The following MEIS1 variants were observed in gnomAD, a reference collection of about 807,000 sequenced individuals.
MEIS1 encodes homeobox protein Meis1.
In MEIS1, 5 loss-of-function variants were observed where a neutral mutation model predicts 50.8. The observed-to-expected ratio is 0.10, with a 90% CI of 0.05 to 0.21. The LOEUF (loss-of-function observed/expected upper bound fraction) is 0.21. MEIS1 is among the 10% of genes least tolerant of loss of function. The pLI is 1.00. For missense variants in MEIS1, 318 were observed against 517.3 expected (o/e 0.61, Z 3.74); for synonymous variants, 176 against 179.3 (o/e 0.98, Z 0.15).
At chr2:66,486,814 C>T (rs1673154616) in intron 7 of MEIS1, among the ~76,000 whole-genome samples, 1 of 152,202 alleles carries the variant, frequency 6.6e-6, no homozygotes, top group Non-Finnish European at 1.5e-5. Context: ...AGGTCCTTCA[C>T]ATCCCTTGTA....
chr2:66,551,878 T>G (rs1372165742), intron 9 of MEIS1, among the ~76,000 whole-genome samples: 1 of 152,250 alleles, frequency 6.6e-6, no homozygotes, highest in East Asian at 1.9e-4. Flanking sequence ...TTTTTTACTG[T>G]TGTTGTGGTT....
chr2:66,459,258 G>A (rs1672465786), intron 6 of MEIS1, among the ~76,000 whole-genome samples: 1 of 152,272 alleles, frequency 6.6e-6, no homozygotes, highest in East Asian at 1.9e-4. Context: ...GATGAGCATG[G>A]GCCTGGAGCA....
intron 6 of MEIS1, among the ~76,000 whole-genome samples, chr2:66,454,148 C>G (rs1342756098): frequency 6.6e-6 from 1 of 151,976 alleles, no homozygotes; most frequent in Non-Finnish European, 1.5e-5. Flanking sequence ...AAAAGTGCAT[C>G]TAAAACATTT....
chr2:66,461,611 A>C (rs2103738427), intron 6 of MEIS1, among the ~76,000 whole-genome samples: 1 of 152,336 alleles, frequency 6.6e-6, no homozygotes, highest in Admixed American at 6.5e-5. Flanking sequence ...TAGGTGAAAA[A>C]TATTGGCTCC....
intron 6 of MEIS1, among the ~76,000 whole-genome samples, chr2:66,459,255 A>C (rs1351547942): frequency 6.6e-6 from 1 of 152,214 alleles, no homozygotes; most frequent in East Asian, 1.9e-4. Context: ...AAGGATGAGC[A>C]TGGGCCTGGA....
At chr2:66,484,966 A>C (rs1168585434) in intron 7 of MEIS1, among the ~76,000 whole-genome samples, 4 of 152,204 alleles carry the variant, frequency 2.6e-5, no homozygotes, top group Non-Finnish European at 1.5e-5. Context: ...GGTACATAGA[A>C]AATTTAAAAT....
At chr2:66,563,960 ATTTAC>A (rs1675277795) in intron 9 of MEIS1, among the ~76,000 whole-genome samples, 1 of 152,146 alleles carries the variant, frequency 6.6e-6, no homozygotes, top group Non-Finnish European at 1.5e-5. Context: ...ATATTTTGCT[ATTTAC>A]TTTGTTGTTT....
chr2:66,507,302 AAAGT>A (rs1040257463), intron 7 of MEIS1, among the ~76,000 whole-genome samples: 5 of 152,136 alleles, frequency 3.3e-5, no homozygotes, highest in African/African-American at 1.2e-4. Context: ...GAAGAGGAGA[AAAGT>A]AAAGTTTAAA....
intron 8 of MEIS1, among the ~76,000 whole-genome samples, chr2:66,543,014 G>A (rs902061320): frequency 7.2e-5 from 11 of 152,110 alleles, no homozygotes; most frequent in South Asian, 6.2e-4. Context: ...TTCTTTCAAT[G>A]TATTGTAAAC....
At chr2:66,495,653 A>C (rs1673384198) in intron 7 of MEIS1, among the ~76,000 whole-genome samples, 1 of 152,182 alleles carries the variant, frequency 6.6e-6, no homozygotes, top group African/African-American at 2.4e-5. Context: ...CCAGTTTTGC[A>C]TGGCAGATGA....
intron 7 of MEIS1, among the ~76,000 whole-genome samples, chr2:66,469,436 AG>A (rs978611820): frequency 6.6e-6 from 1 of 152,014 alleles, no homozygotes; most frequent in Non-Finnish European, 1.5e-5. Flanking sequence ...GCGGCCTGAG[AG>A]GGGGTGGGGA....
At chr2:66,513,187 G>A (rs972103645) in intron 8 of MEIS1, among the ~76,000 whole-genome samples, 14 of 152,138 alleles carry the variant, frequency 9.2e-5, no homozygotes, top group African/African-American at 3.4e-4. Flanking sequence ...TTCAATATTA[G>A]AGACAAAGGA....
rs1041066673 is a variant in MEIS1 at position 66,571,790 on chromosome 2, T to C, written c.*582T>C. On this transcript the variant is annotated 3_prime_UTR_variant, in exon 13 of 13. Transcript: ENST00000272369. The stretch of plus-strand genomic sequence containing the variant: ...GTTATCCATATTACGTTGTTTCTTA[T>C]AGATTTTTTAAAAAAAATGTGAAAT... The C allele has an allele frequency of 4.9e-6, 2 of 410,248 alleles. No individual in the cohort carries two copies. The highest frequency in any genetic ancestry group is 4.2e-5 in the African/African-American group (2 of 47,354). The allele number at this position is 410,248 out of a possible 1,614,324, so 25.4% of individuals were successfully genotyped here.
intron 9 of MEIS1, among the ~76,000 whole-genome samples, chr2:66,556,700 A>G (rs1318385791): frequency 6.6e-6 from 1 of 152,002 alleles, no homozygotes; most frequent in East Asian, 1.9e-4. Flanking sequence ...GCAGTGGTTG[A>G]CTTTGTTTGT....
chr2:66,548,114 A>G (rs1674834299), intron 9 of MEIS1, 95 bp downstream of exon 9: 1 of 1,185,376 alleles, frequency 8.4e-7, no homozygotes, highest in Non-Finnish European at 1.2e-6. Flanking sequence ...CCCAGTTGCC[A>G]CTGCTTTCCC....
intron 6 of MEIS1, among the ~76,000 whole-genome samples, chr2:66,450,357 C>T (rs1672249286): frequency 6.6e-6 from 1 of 152,128 alleles, no homozygotes. Context: ...CTTATAGTCT[C>T]AGCTAATCCA....
At chr2:66,526,133 G>A (rs957554616) in intron 8 of MEIS1, among the ~76,000 whole-genome samples, 2 of 152,216 alleles carry the variant, frequency 1.3e-5, no homozygotes, top group South Asian at 2.1e-4. Flanking sequence ...GCTTTCAAAA[G>A]TGAGTATCTG....
At chr2:66,451,847 G>A (rs1672283289) in intron 6 of MEIS1, among the ~76,000 whole-genome samples, 2 of 151,828 alleles carry the variant, frequency 1.3e-5, no homozygotes, top group South Asian at 4.1e-4. Flanking sequence ...ACTAGCTAGT[G>A]CAGGTGGGCT....
chr2:66,440,474 C>A (rs1671942596), intron 3 of MEIS1, 88 bp from the exon 4 acceptor site: 1 of 1,182,062 alleles, frequency 8.5e-7, no homozygotes, highest in Non-Finnish European at 1.2e-6. Flanking sequence ...TGTAATGAGG[C>A]AAGAAACTAG....
Sources: gnomAD v4.1 joint callset for allele counts (sites outside exome capture counted in the v4.1 genomes callset) on GRCh38, gnomAD v4.1.1 for gene constraint, MANE v1.5 for transcripts, NCBI Gene and HGNC (gene_info 2026-07-23, HGNC 2026-07-21) for gene names.